Variants in WDR3 observed in about 807,000 individuals in gnomAD.
The protein encoded by WDR3 is WD repeat domain 3, also known as WD repeat-containing protein 3.
WDR3 carries 81 observed loss-of-function variants against 123.7 expected under a neutral mutation model. That is an observed-to-expected ratio of 0.65 (90% confidence interval 0.55 to 0.79). WDR3 has a LOEUF of 0.79. Ranked by LOEUF, WDR3 falls within the 30% of genes least tolerant of loss-of-function variation. The pLI, the probability that WDR3 is intolerant of heterozygous loss-of-function variation, is 0.00. For synonymous variants in WDR3, 390 were observed against 388.8 expected (o/e 1.00, Z -0.04); for missense variants, 1,027 against 1,123.2 (o/e 0.91, Z 1.22).
chr1:117,946,260 A>C, intron 12 of WDR3, 81 bp downstream of exon 12: 1 of 1,145,020 alleles, frequency 8.7e-7, no homozygotes, highest in Non-Finnish European at 1.2e-6. Flanking sequence ...TCTTCTTTTT[A>C]GCATATTGGA....
chr1:117,964,028 C>T lies in WDR3; in HGVS notation c.*4581C>T, dbSNP rs1209554743. The T allele has an allele frequency of 7.0e-7, 1 of 1,429,364 alleles. No individual in the cohort carries two copies. The highest frequency in any genetic ancestry group is 2.1e-5 in the Admixed American group (1 of 48,084). The allele number at this position is 1,429,364 out of a possible 1,614,324, so 88.5% of individuals were successfully genotyped here. A position where few individuals can be genotyped will look rare whatever the true frequency, so the allele number is the denominator to read the frequency against. ...ACATTTTAGAATCATAGAATTTCTTCTCTGGCAACATCAGTTCAATTTTAG... is the reference window on the plus strand; with the variant it reads ...ACATTTTAGAATCATAGAATTTCTTTTCTGGCAACATCAGTTCAATTTTAG... On this transcript the variant is annotated 3_prime_UTR_variant, in exon 27 of 27. Coordinates refer to ENST00000349139, the MANE Select transcript of WDR3 (RefSeq NM_006784.3).
intron 19 of WDR3, 38 bp downstream of exon 19, chr1:117,952,700 G>A (rs1651675240): frequency 1.9e-6 from 3 of 1,603,596 alleles, no homozygotes; most frequent in African/African-American, 2.7e-5. Context: ...ATGCCAGTAG[G>A]TATCTGACAG....
chr1:117,950,000 C>T lies in WDR3; in HGVS notation c.1616C>T (p.Ser539Phe), dbSNP rs776121352. 2.1e-5 allele frequency: 34 copies of T among 1,613,638 alleles called. No homozygotes were observed. In the South Asian group the frequency reaches 3.5e-4, roughly 17 times the overall value. The change falls in exon 15 of 27, where the codon TCT (serine) becomes TTT (phenylalanine). Residue 539 changes from serine to phenylalanine, a missense_variant. Transcript: ENST00000349139. ...KDENSTQKRL[S>F]VKQTRTLQLD... ...GATGTTTTTTGTGGTGCTAGACTTT[C>T]TGTGAAGCAAACCCGAACTTTGCAA... is the stretch of plus-strand genomic sequence containing the variant.
intron 4 of WDR3, among the ~76,000 whole-genome samples, chr1:117,937,245 C>T (rs896258284): frequency 4.6e-5 from 7 of 152,056 alleles, no homozygotes; most frequent in Non-Finnish European, 5.9e-5. Context: ...GTGTTAAATT[C>T]GGCTTGCCTT....
intron 23 of WDR3, among the ~76,000 whole-genome samples, chr1:117,954,892 C>T (rs1651941637): frequency 6.6e-6 from 1 of 152,020 alleles, no homozygotes; most frequent in Non-Finnish European, 1.5e-5. Context: ...TGTCCAAAGC[C>T]CTCTGAAGAT....
At chr1:117,939,082 G>T (rs78670791) in intron 5 of WDR3, among the ~76,000 whole-genome samples, 1 of 152,002 alleles carries the variant, frequency 6.6e-6, no homozygotes, top group Non-Finnish European at 1.5e-5. Context: ...TTTAATTCCC[G>T]GATACTTGAA....
Position 117,951,989 on chromosome 1 carries a change from T to C in WDR3, c.1817T>C (p.Ile606Thr), listed in dbSNP as rs767329408. The C allele has an allele frequency of 2.5e-6, 4 of 1,613,036 alleles. No homozygotes were observed. Among genetic ancestry groups the C allele is most frequent in the African/African-American group, 2.7e-5 (2 of 74,874 alleles). The change falls in exon 17 of 27, where the codon ATA becomes ACA. Residue 606 changes from isoleucine to threonine, a missense_variant. Transcript: ENST00000349139. ...CMDISHDGAL[I>T]ATGSADRNVK... The stretch of plus-strand genomic sequence containing the variant: ...TATTTCTCATAGGATGGAGCACTCA[T>C]AGCAACTGGCTCCGCTGATAGGAAT...
chr1:117,958,928 C>G lies in WDR3; in HGVS notation c.2601C>G (p.Ile867Met). ...CTATCAGGATTCACTTTGGACAGAT[C>G]ACTAGCAATCAAATGCTTGTGCCAG... ...FFLLRIHFGQ[I>M]TSNQMLVPVI... is the part of the protein sequence containing the mutation. Residue 867 changes from isoleucine to methionine, a missense_variant, in exon 26 of 27, where the codon ATC becomes ATG. Coordinates refer to ENST00000349139, the MANE Select transcript of WDR3 (RefSeq NM_006784.3). The G allele has an allele frequency of 1.2e-6, 2 of 1,613,812 alleles. No individual in the cohort carries two copies. Among genetic ancestry groups the G allele is most frequent in the Non-Finnish European group, 1.7e-6 (2 of 1,179,892 alleles).
At position 117,958,314 on chromosome 1, in the gene WDR3, C is replaced by T. The variant is rs563517959; in HGVS notation, c.2583-596C>T. On this transcript the variant is annotated intron_variant, in intron 25 of 26. Coordinates refer to ENST00000349139, the MANE Select transcript of WDR3 (RefSeq NM_006784.3). Reference sequence around the variant, plus strand: ...CATAATTTGGGGCAACTTGTAAAGACATAAGTTCATATTTAACCATGTTAC... The same window carrying T: ...CATAATTTGGGGCAACTTGTAAAGATATAAGTTCATATTTAACCATGTTAC... 1.2e-4 allele frequency among the ~76,000 whole-genome samples: 18 copies of T among 152,272 alleles called. No individual in the cohort carries two copies. In the South Asian group the frequency reaches 3.7e-3, roughly 32 times the overall value.
chr1:117,948,822 C>T (rs1651501863), intron 13 of WDR3, among the ~76,000 whole-genome samples: 1 of 152,086 alleles, frequency 6.6e-6, no homozygotes, highest in Non-Finnish European at 1.5e-5. Context: ...TTGCTGCTCC[C>T]CTTTTTTCCT....
At chr1:117,946,433 T>C (rs1651382860) in intron 12 of WDR3, among the ~76,000 whole-genome samples, 1 of 152,212 alleles carries the variant, frequency 6.6e-6, no homozygotes, top group Non-Finnish European at 1.5e-5. Context: ...ATGTGTCTTT[T>C]TATGGGCGCA....
intron 14 of WDR3, 43 bp downstream of exon 14, chr1:117,949,879 G>T: frequency 6.2e-7 from 1 of 1,611,394 alleles, no homozygotes; most frequent in South Asian, 1.1e-5. Flanking sequence ...AGTGAAAATG[G>T]GGAGCTATGG....
At chr1:117,952,874 G>A (rs918131135) in intron 19 of WDR3, 72 bp from the exon 20 acceptor site, 17 of 1,559,342 alleles carry the variant, frequency 1.1e-5, no homozygotes, top group South Asian at 4.6e-5. Flanking sequence ...GCAGCTTCTC[G>A]CTTCCTCATT....
At chr1:117,935,338 C>T (rs1650877191) in intron 3 of WDR3, among the ~76,000 whole-genome samples, 1 of 151,588 alleles carries the variant, frequency 6.6e-6, no homozygotes, top group Non-Finnish European at 1.5e-5. Context: ...TATGGAAAAG[C>T]AAAGGAATTG....
chr1:117,931,024 T>A (rs1441244995), intron 1 of WDR3, among the ~76,000 whole-genome samples: 1 of 152,226 alleles, frequency 6.6e-6, no homozygotes, highest in Non-Finnish European at 1.5e-5. Context: ...CATAGCTCAC[T>A]GCAACCTCGA....
At position 117,962,443 on chromosome 1, in the gene WDR3, C is replaced by T. The variant is rs1252448190; in HGVS notation, c.*2996C>T. 1 of 151,240 alleles carries T rather than the reference C, an allele frequency of 6.6e-6. No homozygotes were observed. The highest frequency in any genetic ancestry group is 1.5e-5 in the Non-Finnish European group (1 of 67,906). The allele number at this position is 151,240 out of a possible 1,614,324, so 9.4% of individuals were successfully genotyped here. A position where few individuals can be genotyped will look rare whatever the true frequency, so the allele number is the denominator to read the frequency against. Reference sequence around the variant, plus strand: ...TCTTGCATATTGTGAAGTAAGTTACCTATAGAAATTCTGTAGTACCATAAA... The same window carrying T: ...TCTTGCATATTGTGAAGTAAGTTACTTATAGAAATTCTGTAGTACCATAAA... On this transcript the variant is annotated 3_prime_UTR_variant, in exon 27 of 27. Coordinates refer to ENST00000349139, the MANE Select transcript of WDR3 (RefSeq NM_006784.3).
chr1:117,936,117 A>G (rs934721923), intron 3 of WDR3, among the ~76,000 whole-genome samples: 2 of 152,112 alleles, frequency 1.3e-5, no homozygotes, highest in Non-Finnish European at 2.9e-5. Context: ...AGTTTTTGAG[A>G]AAACTAATAA....
Position 117,952,541 on chromosome 1 carries a change from A to C in WDR3, c.2030A>C (p.Glu677Ala), listed in dbSNP as rs768061311. Residue 677 changes from glutamate to alanine, a missense_variant, in exon 19 of 27, where the codon GAA becomes GCA. By Grantham distance (107) the Glu-to-Ala change is moderately radical. Coordinates refer to ENST00000349139, the MANE Select transcript of WDR3 (RefSeq NM_006784.3). The part of the protein sequence containing the change: ...HIQTLEGHHQ[E>A]IWCLAVSPSG... ...TTTCTCCTCCAGGGTCATCACCAGG[A>C]AATATGGTGTTTGGCTGTAAGCCCC... The C allele has an allele frequency of 6.2e-7, 1 of 1,611,510 alleles. No homozygotes were observed. The highest frequency in any genetic ancestry group is 8.5e-7 in the Non-Finnish European group (1 of 1,179,118).
At chr1:117,944,521 G>C (rs1210345439) in intron 11 of WDR3, among the ~76,000 whole-genome samples, 1 of 151,990 alleles carries the variant, frequency 6.6e-6, no homozygotes, top group Non-Finnish European at 1.5e-5. Context: ...CAAATACTTT[G>C]TGTCACCACT....
Sources: allele counts gnomAD v4.1 joint callset (sites outside exome capture counted in the v4.1 genomes callset), GRCh38; gene constraint gnomAD v4.1.1; transcripts MANE v1.5; gene names NCBI Gene and HGNC (gene_info 2026-07-23, HGNC 2026-07-21).